PAQR8: variants seen among roughly 807,000 people sequenced by gnomAD.
The protein encoded by PAQR8 is membrane progestin receptor beta.
In PAQR8, 17 loss-of-function variants were observed where a neutral mutation model predicts 25.2. That is an observed-to-expected ratio of 0.67 (90% CI 0.46 to 1.01). The LOEUF (loss-of-function observed/expected upper bound fraction) is 1.01, where lower values mean the gene tolerates loss of function less well. Among genes scored for constraint, PAQR8 ranks in the 50% least tolerant of loss-of-function variants. PAQR8 has a pLI of 0.00. For synonymous variants in PAQR8, 204 were observed against 190.6 expected (o/e 1.07, Z -0.58); for missense variants, 392 against 448.4 (o/e 0.87, Z 1.14).
chr6:52,395,318 G>T (rs769017692), intron 1 of PAQR8, among the ~76,000 whole-genome samples: 1 of 150,640 alleles, frequency 6.6e-6, no homozygotes, highest in Non-Finnish European at 1.5e-5. Context: ...ATAATGCAAG[G>T]CATTATTCAA....
chr6:52,383,427 C>T (rs1397540351), intron 1 of PAQR8, among the ~76,000 whole-genome samples: 3 of 152,030 alleles, frequency 2.0e-5, no homozygotes, highest in Admixed American at 6.5e-5. Context: ...TTTGGGAGGC[C>T]GAGGCGGGCG....
chr6:52,397,631 AT>A (rs1301029159), intron 1 of PAQR8, among the ~76,000 whole-genome samples: 1 of 152,178 alleles, frequency 6.6e-6, no homozygotes, highest in Non-Finnish European at 1.5e-5. Flanking sequence ...TCTGAAAAAG[AT>A]TTCTGGTTGA....
At chr6:52,380,757 C>A (rs1308616686) in intron 1 of PAQR8, among the ~76,000 whole-genome samples, 2 of 152,126 alleles carry the variant, frequency 1.3e-5, no homozygotes, top group African/African-American at 4.8e-5. Context: ...TTCATGTATT[C>A]TTTATTTGAT....
At chr6:52,385,757 C>T (rs144602933) in intron 1 of PAQR8, among the ~76,000 whole-genome samples, 294 of 152,090 alleles carry the variant, frequency 1.9e-3, no homozygotes, top group African/African-American at 6.7e-3. Context: ...ATCTGGTGTG[C>T]GCAGGTAGTC....
At chr6:52,378,327 A>G (rs866759973) in intron 1 of PAQR8, among the ~76,000 whole-genome samples, 45 of 152,256 alleles carry the variant, frequency 3.0e-4, no homozygotes, top group African/African-American at 1.0e-3. Flanking sequence ...TTACTGAGAT[A>G]GGAACAAGAA....
At chr6:52,366,891 A>G (rs1763359802) in intron 1 of PAQR8, among the ~76,000 whole-genome samples, 1 of 152,076 alleles carries the variant, frequency 6.6e-6, no homozygotes, top group African/African-American at 2.4e-5. Context: ...CTGGGATTGC[A>G]GGCGCGCACC....
At chr6:52,364,885 A>C (rs1763334988) in intron 1 of PAQR8, among the ~76,000 whole-genome samples, 1 of 152,194 alleles carries the variant, frequency 6.6e-6, no homozygotes, top group African/African-American at 2.4e-5. Context: ...CACAGTGGAA[A>C]TTTTGAGTAC....
At chr6:52,400,742 T>C (rs960565) in intron 1 of PAQR8, among the ~76,000 whole-genome samples, 7,081 of 152,322 alleles carry the variant, frequency 0.046, 217 homozygotes, top group South Asian at 0.088. Context: ...CTGAGACCTC[T>C]GTGAACCAGT....
Position 52,406,573 on chromosome 6 carries a change from C to G in PAQR8, c.*2295C>G. ...TGGTTGGAAATTTTTTTTTTAATCT[C>G]TTTTTCTGAGACAGGGTCTTACTCT... On this transcript the variant is annotated 3_prime_UTR_variant, in exon 2 of 2. Transcript: ENST00000442253. 4.8e-6 allele frequency: 2 copies of G among 413,028 alleles called. No homozygotes were observed. Among genetic ancestry groups the G allele is most frequent in the Non-Finnish European group, 8.8e-6 (2 of 226,056 alleles). The allele number at this position is 413,028 out of a possible 1,614,324, so 25.6% of individuals were successfully genotyped here. A position where few individuals can be genotyped will look rare whatever the true frequency, so the allele number is the denominator to read the frequency against.
At chr6:52,386,418 C>A (rs774191831) in intron 1 of PAQR8, among the ~76,000 whole-genome samples, 1 of 152,130 alleles carries the variant, frequency 6.6e-6, no homozygotes, top group Non-Finnish European at 1.5e-5. Context: ...CAGCACTATT[C>A]AAAAATAGCA....
chr6:52,387,367 T>C (rs934114750), intron 1 of PAQR8, among the ~76,000 whole-genome samples: 7 of 152,248 alleles, frequency 4.6e-5, no homozygotes, highest in Admixed American at 3.9e-4. Flanking sequence ...GGCTGGACTC[T>C]TGGGACACGG....
chr6:52,381,294 C>CTT (rs1763556907), intron 1 of PAQR8, among the ~76,000 whole-genome samples: 1 of 152,204 alleles, frequency 6.6e-6, no homozygotes, highest in Non-Finnish European at 1.5e-5. Flanking sequence ...CTAATGGCAA[C>CTT]AAGCATTGGT....
intron 1 of PAQR8, among the ~76,000 whole-genome samples, chr6:52,398,399 G>C (rs1409225779): frequency 1.3e-5 from 2 of 151,672 alleles, no homozygotes; most frequent in Non-Finnish European, 2.9e-5. Context: ...GTAGTGACGG[G>C]GTTTCACTAT....
At chr6:52,398,382 AT>A (rs1186846673) in intron 1 of PAQR8, among the ~76,000 whole-genome samples, 2 of 150,152 alleles carry the variant, frequency 1.3e-5, no homozygotes, top group Non-Finnish European at 3.0e-5. Context: ...AATTTTTTGT[AT>A]TTTTAGTAGT....
chr6:52,381,071 G>T (rs1763553644), intron 1 of PAQR8, among the ~76,000 whole-genome samples: 1 of 152,168 alleles, frequency 6.6e-6, no homozygotes, highest in Admixed American at 6.5e-5. Context: ...ACTTTGTGGG[G>T]AAATTAATAT....
At chr6:52,381,871 C>G (rs2113941183) in intron 1 of PAQR8, among the ~76,000 whole-genome samples, 1 of 152,292 alleles carries the variant, frequency 6.6e-6, no homozygotes, top group East Asian at 1.9e-4. Context: ...GTTTCTCCCA[C>G]ATACATTAGA....
chr6:52,383,657 T>G (rs1381515688), intron 1 of PAQR8, among the ~76,000 whole-genome samples: 2 of 47,318 alleles, frequency 4.2e-5, no homozygotes, highest in African/African-American at 1.1e-4. Flanking sequence ...CGAGAGTCCG[T>G]CTCAAAAAAA....
intron 1 of PAQR8, among the ~76,000 whole-genome samples, chr6:52,369,549 C>T (rs188373133): frequency 2.1e-3 from 318 of 152,176 alleles, no homozygotes; most frequent in African/African-American, 7.3e-3. Context: ...AAAATAAATC[C>T]GTAGTCAGGA....
At position 52,404,445 on chromosome 6, in the gene PAQR8, T is replaced by G. The variant is rs1282347531; in HGVS notation, c.*167T>G. ...CCAAAGGATTTAAGAGTTTTGTTGT[T>G]GTTAATAAAAGGAATACTCCTTTTC... On this transcript the variant is annotated 3_prime_UTR_variant, in exon 2 of 2. Coordinates refer to ENST00000442253, the MANE Select transcript of PAQR8 (RefSeq NM_133367.5). The G allele has an allele frequency of 2.8e-6, 2 of 705,226 alleles. No individual in the cohort carries two copies. Among genetic ancestry groups the G allele is most frequent in the Non-Finnish European group, 4.6e-6 (2 of 431,182 alleles). 43.7% of individuals were successfully genotyped at this position (705,226 alleles called of 1,614,324 possible). A position where few individuals can be genotyped will look rare whatever the true frequency, so the allele number is the denominator to read the frequency against.
Sources: allele counts gnomAD v4.1 joint callset (sites outside exome capture counted in the v4.1 genomes callset), GRCh38; gene constraint gnomAD v4.1.1; transcripts MANE v1.5; gene names NCBI Gene and HGNC (gene_info 2026-07-23, HGNC 2026-07-21).